Variants in SUCLG2 observed in about 807,000 individuals in gnomAD.
SUCLG2 encodes succinate--CoA ligase [GDP-forming] subunit beta, mitochondrial.
In SUCLG2, 42 loss-of-function variants were observed where a neutral mutation model predicts 47.9. That is an observed-to-expected ratio of 0.88 (90% CI 0.69 to 1.14). SUCLG2 has a LOEUF of 1.14. Ranked by LOEUF, SUCLG2 falls within the 50% of genes most tolerant of loss-of-function variation. The probability of loss-of-function intolerance (pLI) is 0.00; values close to 1 mark genes in which losing one functional copy is unlikely to be tolerated. For missense variants in SUCLG2, 571 were observed against 525.9 expected (o/e 1.09, Z -0.84); for synonymous variants, 195 against 197.3 (o/e 0.99, Z 0.10).
chr3:67,462,222 C>T (rs1274285136), intron 9 of SUCLG2, among the ~76,000 whole-genome samples: 1 of 152,002 alleles, frequency 6.6e-6, no homozygotes, highest in Non-Finnish European at 1.5e-5. Context: ...CCTTTTTCTT[C>T]CCACAGCAGG....
At chr3:67,625,256 TG>T (rs1360160068) in intron 1 of SUCLG2, among the ~76,000 whole-genome samples, 2 of 152,206 alleles carry the variant, frequency 1.3e-5, no homozygotes, top group Non-Finnish European at 2.9e-5. Context: ...GAAGGCTCGG[TG>T]GGTCATCTTC....
At chr3:67,418,334 C>G (rs533072645) in intron 9 of SUCLG2, among the ~76,000 whole-genome samples, 9 of 152,162 alleles carry the variant, frequency 5.9e-5, no homozygotes, top group Non-Finnish European at 1.3e-4. Context: ...CCTTTCCAAA[C>G]TCCTATGAGC....
chr3:67,450,966 G>A (rs975874917), intron 9 of SUCLG2, among the ~76,000 whole-genome samples: 2 of 152,100 alleles, frequency 1.3e-5, no homozygotes, highest in Non-Finnish European at 2.9e-5. Context: ...TTTATTGAGC[G>A]CTTACTCTGT....
intron 2 of SUCLG2, among the ~76,000 whole-genome samples, chr3:67,534,007 T>A (rs1293325783): frequency 5.3e-5 from 8 of 152,056 alleles, no homozygotes. Context: ...TGGAGATACA[T>A]GGCTCTCCAG....
At chr3:67,510,246 G>C (rs904633608) in intron 6 of SUCLG2, among the ~76,000 whole-genome samples, 5 of 152,184 alleles carry the variant, frequency 3.3e-5, no homozygotes, top group African/African-American at 1.2e-4. Context: ...AGTGGTTCCA[G>C]ATTTGACTGA....
chr3:67,466,930 A>T (rs139416716), intron 9 of SUCLG2, among the ~76,000 whole-genome samples: 1 of 152,392 alleles, frequency 6.6e-6, no homozygotes, highest in African/African-American at 2.4e-5. Flanking sequence ...GCTTTCTCAC[A>T]TAAATCCTTG....
intron 9 of SUCLG2, among the ~76,000 whole-genome samples, chr3:67,424,693 T>A (rs1287581957): frequency 6.6e-6 from 1 of 152,130 alleles, no homozygotes; most frequent in African/African-American, 2.4e-5. Flanking sequence ...GCTCAGTAAT[T>A]GCTGGCCGTT....
chr3:67,487,745 C>A (rs1705095015), intron 9 of SUCLG2, among the ~76,000 whole-genome samples: 1 of 152,172 alleles, frequency 6.6e-6, no homozygotes, highest in South Asian at 2.1e-4. Context: ...TAGCCCTCTA[C>A]AAGTCCTTCA....
intron 9 of SUCLG2, among the ~76,000 whole-genome samples, chr3:67,431,006 C>T (rs533201497): frequency 4.6e-4 from 70 of 152,246 alleles, no homozygotes; most frequent in Non-Finnish European, 2.8e-4. Flanking sequence ...GATTCACAGC[C>T]GAATTCTACC....
intron 1 of SUCLG2, among the ~76,000 whole-genome samples, chr3:67,638,600 G>C (rs189605651): frequency 6.6e-6 from 1 of 152,156 alleles, no homozygotes. Context: ...ACATAATTTG[G>C]AATTACTGGT....
chr3:67,427,724 C>G (rs539220532), intron 9 of SUCLG2, among the ~76,000 whole-genome samples: 5 of 152,308 alleles, frequency 3.3e-5, no homozygotes, highest in Admixed American at 2.6e-4. Context: ...CCAAGAGAAG[C>G]CCTGACAAAC....
At chr3:67,498,964 C>T (rs1362869276) in intron 7 of SUCLG2, among the ~76,000 whole-genome samples, 1 of 152,242 alleles carries the variant, frequency 6.6e-6, no homozygotes, top group Non-Finnish European at 1.5e-5. Flanking sequence ...CCCAGAGGGT[C>T]GACTTTTCAC....
intron 8 of SUCLG2, among the ~76,000 whole-genome samples, chr3:67,497,363 T>A (rs983633381): frequency 3.3e-5 from 5 of 152,332 alleles, no homozygotes; most frequent in Middle Eastern, 3.4e-3. Flanking sequence ...AACACAGTCT[T>A]GTGCAATTAA....
intron 2 of SUCLG2, among the ~76,000 whole-genome samples, chr3:67,600,804 A>G (rs959302249): frequency 2.6e-5 from 4 of 152,166 alleles, no homozygotes; most frequent in African/African-American, 9.7e-5. Context: ...TTTCCAGGTC[A>G]TCTTTGGGAG....
intron 10 of SUCLG2, among the ~76,000 whole-genome samples, chr3:67,387,100 G>C (rs936852307): frequency 6.6e-6 from 1 of 152,030 alleles, no homozygotes; most frequent in African/African-American, 2.4e-5. Context: ...TAATCACAAA[G>C]GAAAAATGAA....
intron 7 of SUCLG2, among the ~76,000 whole-genome samples, chr3:67,499,283 T>A (rs891385414): frequency 6.6e-6 from 1 of 152,350 alleles, no homozygotes; most frequent in East Asian, 1.9e-4. Flanking sequence ...CTCTGTAACC[T>A]TGATAAAATA....
chr3:67,371,016 A>G (rs1193567308), downstream of SUCLG2, among the ~76,000 whole-genome samples: 1 of 152,210 alleles, frequency 6.6e-6, no homozygotes, highest in Non-Finnish European at 1.5e-5. Context: ...TTAAAAGGTA[A>G]TTGAAAAAAA....
Position 67,384,809 on chromosome 3 carries a change from CTGGGA to C in SUCLG2, c.1184-8955_1184-8951del, listed in dbSNP as rs529772437. The stretch of plus-strand genomic sequence containing the variant: ...ATCATAGAACTCTTTTTCCACTGAG[CTGGGA>C]TATAGCCTCAGAATCTTTCTTGGCA... On this transcript the variant is annotated intron_variant, in intron 10 of 10. Coordinates refer to ENST00000307227, the MANE Select transcript of SUCLG2 (RefSeq NM_003848.4). Among the ~76,000 whole-genome samples, 348 of 152,332 alleles carry C rather than the reference CTGGGA, an allele frequency of 2.3e-3. 1 individual carries two copies. The highest frequency in any genetic ancestry group is 7.9e-3 in the African/African-American group (330 of 41,588).
chr3:67,508,868 G>A lies in SUCLG2; in HGVS notation c.696C>T (p.Phe232=), dbSNP rs745392325. 1 of 1,612,384 alleles carries A rather than the reference G, an allele frequency of 6.2e-7. No individual in the cohort carries two copies. Among genetic ancestry groups the A allele is most frequent in the South Asian group, 1.1e-5 (1 of 90,510 alleles). Residue 232 remains phenylalanine, a synonymous_variant, in exon 7 of 11, where the codon TTC becomes TTT. Transcript: ENST00000307227. The part of the protein sequence containing the change: ...ADQITKLYNL[F]LKIDATQVEV... ...CCACCTGAGTAGCATCAATTTTCAG[G>A]AAGAGATTATACAGCTTCGTAATTT...
Sources: gnomAD v4.1 joint callset for allele counts (sites outside exome capture counted in the v4.1 genomes callset) on GRCh38, gnomAD v4.1.1 for gene constraint, MANE v1.5 for transcripts, NCBI Gene and HGNC (gene_info 2026-07-23, HGNC 2026-07-21) for gene names.